The following GNPTG variants were observed in gnomAD, a reference collection of about 807,000 sequenced individuals.
GNPTG encodes N-acetylglucosamine-1-phosphate transferase subunit gamma, also known as N-acetylglucosamine-1-phosphotransferase subunit gamma.
GNPTG carries 46 observed loss-of-function variants against 43.8 expected under a neutral mutation model. That is an observed-to-expected ratio of 1.05 (90% CI 0.83 to 1.34). The LOEUF is 1.34. Among genes scored for constraint, GNPTG ranks in the 40% most tolerant of loss-of-function variants. The pLI is 0.00. For synonymous variants in GNPTG, 250 were observed against 172.8 expected (o/e 1.45, Z -3.50); for missense variants, 549 against 411.3 (o/e 1.33, Z -2.90).
intron 3 of GNPTG, among the ~76,000 whole-genome samples, chr16:1,356,453 C>T (rs1247185865): frequency 6.6e-6 from 1 of 152,142 alleles, no homozygotes; most frequent in Non-Finnish European, 1.5e-5. Context: ...GGCCAGCCCC[C>T]ACCTGTCTCA....
rs138018487 is a variant in GNPTG, at chr16:1,362,266, G to A, written c.472G>A (p.Val158Ile). 877 of 1,613,516 alleles carry A rather than the reference G, an allele frequency of 5.4e-4. 3 individuals are homozygous for A. Among genetic ancestry groups the A allele is most frequent in the Non-Finnish European group, 6.7e-4 (796 of 1,179,974 alleles). Residue 158 changes from valine (V) to isoleucine (I), a missense_variant, in exon 7 of 11, where the codon GTC (valine) becomes ATC (isoleucine). Transcript: ENST00000204679. ...LAHVSEPSTC[V>I]YALTFETPLV... ...CCATGTGTCCGAGCCGAGCACCTGC[G>A]TCTACGCGCTGACGTTCGAGACCCC...
chr16:1,354,070 C>T (rs1161983365), intron 3 of GNPTG, among the ~76,000 whole-genome samples: 3 of 152,096 alleles, frequency 2.0e-5, no homozygotes, highest in Non-Finnish European at 4.4e-5. Flanking sequence ...GGCGTGATGG[C>T]GCACCTGGGG....
chr16:1,362,385 C>T, intron 7 of GNPTG, 65 bp downstream of exon 7: 1 of 1,609,868 alleles, frequency 6.2e-7, no homozygotes, highest in Non-Finnish European at 8.5e-7. Context: ...GCTGGAGGCC[C>T]TGTAGTGCTG....
At chr16:1,359,500 C>T (rs1003023627) in intron 3 of GNPTG, among the ~76,000 whole-genome samples, 1 of 152,058 alleles carries the variant, frequency 6.6e-6, no homozygotes, top group Non-Finnish European at 1.5e-5. Context: ...GATCTCCTGA[C>T]TTCGTGATCC....
At chr16:1,356,909 G>T (rs74002209) in intron 3 of GNPTG, among the ~76,000 whole-genome samples, 1,475 of 12,662 alleles carry the variant, frequency 0.12, 24 homozygotes, top group African/African-American at 0.24. Context: ...GTGTGCGGGC[G>T]AGAGTGTGCG....
At chr16:1,356,890 CGGGCGGG>C (rs1200252118) in intron 3 of GNPTG, among the ~76,000 whole-genome samples, 130 of 6,576 alleles carry the variant, frequency 0.02, no homozygotes, top group African/African-American at 0.043. Context: ...CGGGGGTCTG[CGGGCGGG>C]AGTGTGCGGG....
At chr16:1,361,653 G>T in intron 3 of GNPTG, 90 bp from the exon 4 acceptor site, 1 of 1,416,880 alleles carries the variant, frequency 7.1e-7, no homozygotes, top group South Asian at 1.2e-5. Context: ...CAAAAAAAAA[G>T]AAAACTGGTC....
In GNPTG at chr16:1,362,808, C is replaced by A; in HGVS notation, c.742-17C>A. The A allele has an allele frequency of 6.2e-7, 1 of 1,614,048 alleles. No individual in the cohort carries two copies. Among genetic ancestry groups the A allele is most frequent in the Admixed American group, 1.7e-5 (1 of 60,016 alleles). ...CAGCACCTGGGCTTTCCCTTGAACT[C>A]TTTTTGTGGTTGGTAGGCTCATAAA... is the stretch of plus-strand genomic sequence containing the variant. On this transcript the variant is annotated splice_polypyrimidine_tract_variant and intron_variant, in intron 9 of 10. Transcript: ENST00000204679.
intron 3 of GNPTG, 74 bp from the exon 4 acceptor site, chr16:1,361,669 A>AAAAC (rs1280569063): frequency 6.5e-7 from 1 of 1,542,028 alleles, no homozygotes; most frequent in Non-Finnish European, 9.0e-7. Flanking sequence ...TGGTCCTTTG[A>AAAAC]AAACAGACTC....
At position 1,364,087 on chromosome 16, in the gene GNPTG, C is replaced by A. The variant is rs1450035437; in HGVS notation, c.*996C>A. The stretch of plus-strand genomic sequence containing the variant: ...CAAATGGGAACCAAGTGCATAAATA[C>A]AAATAAAAACAGAGTTTACACATCG... On this transcript the variant is annotated 3_prime_UTR_variant, in exon 11 of 11. Coordinates refer to ENST00000204679, the MANE Select transcript of GNPTG (RefSeq NM_032520.5). The A allele has an allele frequency of 6.6e-6, 1 of 152,184 alleles. No individual in the cohort carries two copies. The highest frequency in any genetic ancestry group is 2.4e-5 in the African/African-American group (1 of 41,444). The allele number at this position is 152,184 out of a possible 1,614,324, so 9.4% of individuals were successfully genotyped here.
At position 1,363,286 on chromosome 16, in the gene GNPTG, T is replaced by C. The variant is rs1555452249; in HGVS notation, c.*195T>C. The C allele has an allele frequency of 1.6e-6, 1 of 609,218 alleles. No homozygotes were observed. The highest frequency in any genetic ancestry group is 2.9e-6 in the Non-Finnish European group (1 of 342,576). 37.7% of individuals were successfully genotyped at this position (609,218 alleles called of 1,614,324 possible). ...GTAAACCATTGCATAAATGCTATAG[T>C]GTAAAAAAATTTAAACAAGTGTTAA... is the stretch of plus-strand genomic sequence containing the variant. On this transcript the variant is annotated 3_prime_UTR_variant, in exon 11 of 11. Transcript: ENST00000204679.
chr16:1,355,705 G>A (rs1354661101), intron 3 of GNPTG, among the ~76,000 whole-genome samples: 6 of 152,126 alleles, frequency 3.9e-5, no homozygotes, highest in Non-Finnish European at 7.4e-5. Flanking sequence ...CCTCGGTGGC[G>A]GTGGGAGGGA....
chr16:1,358,324 C>G (rs1157784188), intron 3 of GNPTG: 1 of 152,382 alleles, frequency 6.6e-6, no homozygotes, highest in Non-Finnish European at 1.5e-5. Context: ...TCTGCTGTCT[C>G]TGAACTTGGC....
intron 3 of GNPTG, among the ~76,000 whole-genome samples, chr16:1,354,328 T>C (rs1344018838): frequency 1.3e-5 from 2 of 152,018 alleles, no homozygotes; most frequent in Admixed American, 1.3e-4. Flanking sequence ...TGCGTGCATG[T>C]TGCTCGGGAG....
At position 1,363,030 on chromosome 16, in the gene GNPTG, C is replaced by G; in HGVS notation, c.857C>G (p.Thr286Arg). 4 of 1,614,026 alleles carry G rather than the reference C, an allele frequency of 2.5e-6. No individual in the cohort carries two copies. Among genetic ancestry groups the G allele is most frequent in the Non-Finnish European group, 3.4e-6 (4 of 1,180,032 alleles). ...AACTTGGAGCACTTGGGCCACGAGACGCCCAGAGCCAAGTCTCCAGAGCAG... is the reference window on the plus strand; with the variant it reads ...AACTTGGAGCACTTGGGCCACGAGAGGCCCAGAGCCAAGTCTCCAGAGCAG... ...TSNLEHLGHE[T>R]PRAKSPEQLR... is the part of the protein sequence containing the mutation. The change falls in exon 11 of 11, where the codon ACG becomes AGG. Residue 286 changes from threonine to arginine, a missense_variant. Transcript: ENST00000204679.
chr16:1,362,037 G>A lies in GNPTG; in HGVS notation c.318-1G>A, dbSNP rs193302847. The A allele has an allele frequency of 1.2e-6, 2 of 1,612,820 alleles. No individual in the cohort carries two copies. The highest frequency in any genetic ancestry group is 2.2e-5 in the South Asian group (2 of 90,980). On this transcript the variant is annotated splice_acceptor_variant, in intron 5 of 10. Transcript: ENST00000204679. LOFTEE classifies it high-confidence loss of function. ...CACGTGCCGTGCCCGTGTCTCCCCA[G>A]CATCTGGCACGAGTGGGAGATCGCC...
At position 1,362,209 on chromosome 16, in the gene GNPTG, G is replaced by A; in HGVS notation, c.415G>A (p.Glu139Lys). The change falls in exon 7 of 11, where the codon GAG becomes AAG. Residue 139 changes from glutamate (E) to lysine (K), a missense_variant. Coordinates refer to ENST00000204679, the MANE Select transcript of GNPTG (RefSeq NM_032520.5). ...CRSRSRQSKV[E>K]LACGKSNRLA... ...CCTACCCACGTTCCCTCCCCAGGTG[G>A]AGCTGGCGTGTGGAAAAAGCAACCG... The A allele has an allele frequency of 3.7e-6, 6 of 1,613,584 alleles. No individual in the cohort carries two copies. The highest frequency in any genetic ancestry group is 5.1e-6 in the Non-Finnish European group (6 of 1,179,964).
At chr16:1,354,598 A>C (rs1055419055) in intron 3 of GNPTG, among the ~76,000 whole-genome samples, 2 of 150,338 alleles carry the variant, frequency 1.3e-5, no homozygotes, top group East Asian at 1.9e-4. Flanking sequence ...AAAAAAAAAA[A>C]AAAAAAAAAA....
Position 1,362,811 on chromosome 16 carries a change from T to C in GNPTG, c.742-14T>C. 1.9e-6 allele frequency: 3 copies of C among 1,613,884 alleles called. No homozygotes were observed. The highest frequency in any genetic ancestry group is 1.1e-5 in the South Asian group (1 of 91,070). ...CACCTGGGCTTTCCCTTGAACTCTT[T>C]TTGTGGTTGGTAGGCTCATAAAGAA... On this transcript the variant is annotated splice_polypyrimidine_tract_variant and intron_variant, in intron 9 of 10. Coordinates refer to ENST00000204679, the MANE Select transcript of GNPTG (RefSeq NM_032520.5).
Sources: allele counts gnomAD v4.1 joint callset (sites outside exome capture counted in the v4.1 genomes callset), GRCh38; gene constraint gnomAD v4.1.1; transcripts MANE v1.5; gene names NCBI Gene and HGNC (gene_info 2026-07-23, HGNC 2026-07-21).